The following ALPL variants were observed in gnomAD, a reference collection of about 807,000 sequenced individuals.
The protein encoded by ALPL is alkaline phosphatase, tissue-nonspecific isozyme.
Under a neutral mutation model 51.3 loss-of-function variants are expected in ALPL, and 42 were observed. The ratio of observed to expected loss-of-function variants is 0.82; its 90% CI spans 0.64 to 1.06. The LOEUF is 1.06. ALPL is among the 50% of genes least tolerant of loss of function. The pLI, the probability that ALPL is intolerant of heterozygous loss-of-function variation, is 0.00. For missense variants in ALPL, 589 were observed against 709.4 expected, an observed-to-expected ratio of 0.83 and a Z score of 1.93; for synonymous variants, 279 against 296.4, an observed-to-expected ratio of 0.94 and a Z score of 0.60.
At chr1:21,520,466 C>CT (rs35922763) in intron 1 of ALPL, among the ~76,000 whole-genome samples, 53,088 of 111,404 alleles carry the variant, frequency 0.48, 14,579 homozygotes, top group East Asian at 0.87. Flanking sequence ...TCTTTTTTCT[C>CT]TTTTTTTTTT....
chr1:21,576,774 T>C, intron 11 of ALPL, 133 bp downstream of exon 11: 1 of 1,256,068 alleles, frequency 8.0e-7, no homozygotes, highest in Middle Eastern at 1.9e-4. Context: ...GTTTGATTGT[T>C]GAGTCCCAGG....
At chr1:21,562,965 G>A (rs1558548658) in intron 4 of ALPL, 145 bp from the exon 5 acceptor site, 4 of 1,076,764 alleles carry the variant, frequency 3.7e-6, no homozygotes, top group South Asian at 1.3e-5. Flanking sequence ...GCTCTGGGGG[G>A]CTTCAGTGGG....
chr1:21,577,682 C>T lies in ALPL; in HGVS notation c.*34C>T. 2 of 1,584,270 alleles carry T rather than the reference C, an allele frequency of 1.3e-6. No individual in the cohort carries two copies. The highest frequency in any genetic ancestry group is 1.7e-6 in the Non-Finnish European group (2 of 1,172,724). ...GGCCCGGGCACCCACAAGCCCGTGA[C>T]AGATGCCAACTTCCCACACGGCAGC... On this transcript the variant is annotated 3_prime_UTR_variant, in exon 12 of 12. Coordinates refer to ENST00000374840, the MANE Select transcript of ALPL (RefSeq NM_000478.6).
chr1:21,543,414 C>T (rs1188289098), intron 1 of ALPL, among the ~76,000 whole-genome samples: 1 of 152,126 alleles, frequency 6.6e-6, no homozygotes, highest in Non-Finnish European at 1.5e-5. Flanking sequence ...AATATACACA[C>T]GTTTAACTAC....
intron 1 of ALPL, among the ~76,000 whole-genome samples, chr1:21,542,769 C>T (rs570031808): frequency 2.0e-5 from 3 of 152,192 alleles, no homozygotes; most frequent in Non-Finnish European, 4.4e-5. Context: ...ACTCTGAAGG[C>T]GGAGGTTGCA....
At chr1:21,560,160 G>C (rs1644463890) in intron 2 of ALPL, among the ~76,000 whole-genome samples, 1 of 152,264 alleles carries the variant, frequency 6.6e-6, no homozygotes, top group East Asian at 1.9e-4. Flanking sequence ...GCTAAGCAGA[G>C]TTGATAATTG....
At chr1:21,576,405 A>G in intron 10 of ALPL, 117 bp from the exon 11 acceptor site, 3 of 1,388,652 alleles carry the variant, frequency 2.2e-6, no homozygotes, top group South Asian at 1.3e-5. Flanking sequence ...GAGGCATTGC[A>G]GGGCCCTTCA....
chr1:21,525,858 C>T (rs1453700127), intron 1 of ALPL, among the ~76,000 whole-genome samples: 1 of 152,010 alleles, frequency 6.6e-6, no homozygotes, highest in Non-Finnish European at 1.5e-5. Flanking sequence ...CATGGTGGCG[C>T]GTGCCTGTAA....
chr1:21,551,003 C>G (rs1644313630), intron 1 of ALPL, among the ~76,000 whole-genome samples: 2 of 152,106 alleles, frequency 1.3e-5, no homozygotes, highest in Non-Finnish European at 2.9e-5. Context: ...AGAAACGGGT[C>G]CCAGGGTACA....
rs368955682 is a variant in ALPL, at chr1:21,564,236, C to G, written c.648+20C>G. The G allele has an allele frequency of 5.0e-6, 8 of 1,612,038 alleles. No individual in the cohort carries two copies. In the East Asian group the frequency reaches 6.7e-5, roughly 13 times the overall value. ...ATTGACGTGAGTGCTCGGGGGCAGC[C>G]GGGCAGGGACGGGGTGAGGCGGGGC... is the stretch of plus-strand genomic sequence containing the variant. On this transcript the variant is annotated intron_variant, in intron 6 of 11. Transcript: ENST00000374840. This position sits in a 1 kb window ranked among gnomAD's most constrained non-coding sequence, Gnocchi z 5.8.
rs1159076210 is a variant in ALPL at position 21,577,658 on chromosome 1, G to A, written c.*10G>A. ...GAGCGTCCTGTTCTGAGGGCCCAGG[G>A]CCCGGGCACCCACAAGCCCGTGACA... On this transcript the variant is annotated 3_prime_UTR_variant, in exon 12 of 12. Transcript: ENST00000374840. 1 of 1,594,198 alleles carries A rather than the reference G, an allele frequency of 6.3e-7. No homozygotes were observed.
At chr1:21,525,878 C>T (rs1412622034) in intron 1 of ALPL, among the ~76,000 whole-genome samples, 1 of 152,098 alleles carries the variant, frequency 6.6e-6, no homozygotes, top group Non-Finnish European at 1.5e-5. Context: ...ATCCCAGCTA[C>T]TCCGGAGGCT....
At chr1:21,556,024 T>C (rs1396152460) in intron 2 of ALPL, among the ~76,000 whole-genome samples, 1 of 152,100 alleles carries the variant, frequency 6.6e-6, no homozygotes, top group Admixed American at 6.5e-5. Context: ...CCGCCTGCCT[T>C]GGCCTCCTAA....
intron 4 of ALPL, among the ~76,000 whole-genome samples, chr1:21,562,681 C>G (rs1369540496): frequency 6.6e-6 from 1 of 151,934 alleles, no homozygotes; most frequent in African/African-American, 2.4e-5. Flanking sequence ...CTTCCCTTCC[C>G]CAGTCCCCTT....
chr1:21,518,849 G>T (rs1050344965), intron 1 of ALPL, among the ~76,000 whole-genome samples: 5 of 152,106 alleles, frequency 3.3e-5, no homozygotes, highest in Admixed American at 3.3e-4. Flanking sequence ...CACTGTGACA[G>T]TGGGACCACC....
chr1:21,523,012 G>A (rs374339814), intron 1 of ALPL, among the ~76,000 whole-genome samples: 4 of 152,214 alleles, frequency 2.6e-5, no homozygotes, highest in African/African-American at 9.6e-5. Flanking sequence ...TGGGCTGGGC[G>A]CAGTGGCCCC....
chr1:21,526,792 C>T (rs1447115666), intron 1 of ALPL, among the ~76,000 whole-genome samples: 1 of 152,092 alleles, frequency 6.6e-6, no homozygotes, highest in Non-Finnish European at 1.5e-5. Flanking sequence ...ATTTTTATTT[C>T]AATTTGTTCT....
chr1:21,513,415 T>C (rs145734652), intron 1 of ALPL, among the ~76,000 whole-genome samples: 1 of 152,282 alleles, frequency 6.6e-6, no homozygotes, highest in African/African-American at 2.4e-5. Flanking sequence ...ATGCAGATGA[T>C]GTGGGTTGGT....
chr1:21,555,928 G>A (rs1221008946), intron 2 of ALPL, among the ~76,000 whole-genome samples: 3 of 151,276 alleles, frequency 2.0e-5, no homozygotes, highest in African/African-American at 4.9e-5. Context: ...CCGCCACCAC[G>A]CGCAGCTAAT....
Sources: gnomAD v4.1 joint callset for allele counts (sites outside exome capture counted in the v4.1 genomes callset) on GRCh38, gnomAD v4.1.1 for gene constraint, Gnocchi (gnomAD v3.1) non-coding constraint, MANE v1.5 for transcripts, NCBI Gene and HGNC (gene_info 2026-07-23, HGNC 2026-07-21) for gene names.